Variants in NRK observed in about 807,000 individuals in gnomAD.
NRK encodes Nik related kinase.
Under a neutral mutation model 125.2 loss-of-function variants are expected in NRK, and 67 were observed. The ratio of observed to expected loss-of-function variants is 0.54; its 90% CI spans 0.44 to 0.66. The LOEUF (loss-of-function observed/expected upper bound fraction) is 0.66, where lower values mean the gene tolerates loss of function less well. NRK is among the 30% of genes least tolerant of loss of function. NRK has a pLI of 0.00. For missense variants in NRK, 1,224 were observed against 1,192.9 expected (o/e 1.03, Z -0.38); for synonymous variants, 458 against 429.0 (o/e 1.07, Z -0.84).
intron 2 of NRK, among the ~76,000 whole-genome samples, 200 bp from the exon 3 acceptor site, chrX:105,879,999 G>A (rs1450541896): frequency 9.0e-6 from 1 of 110,548 alleles, no homozygotes; most frequent in African/African-American, 3.3e-5. Context: ...TGTTTTGAGT[G>A]GGATGGTGAT....
intron 23 of NRK, among the ~76,000 whole-genome samples, chrX:105,942,097 A>G (rs1405950118): frequency 2.7e-5 from 3 of 112,100 alleles, no homozygotes; most frequent in African/African-American, 9.7e-5. Context: ...AGGTTTGTCT[A>G]TGTTATATAT....
chrX:105,834,280 TTC>T (rs775464013), intron 2 of NRK, among the ~76,000 whole-genome samples: 2 of 112,096 alleles, frequency 1.8e-5, no homozygotes, highest in Non-Finnish European at 3.8e-5. Context: ...ATTTTTTTCT[TTC>T]TCTCAGCAGT....
intron 2 of NRK, among the ~76,000 whole-genome samples, chrX:105,847,606 C>CA (rs2039418943): frequency 8.9e-6 from 1 of 111,988 alleles, no homozygotes; most frequent in Non-Finnish European, 1.9e-5. Flanking sequence ...AAAGTTCTCT[C>CA]AAAAAAGCTA....
rs766593416 is a variant in NRK at position 105,866,843 on chromosome X, G to T, written c.124-13356G>T. On this transcript the variant is annotated intron_variant, in intron 2 of 28. Coordinates refer to ENST00000243300, the MANE Select transcript of NRK (RefSeq NM_198465.4). Reference sequence around the variant, plus strand: ...TGGGGGCTTTTTAAAAAGTGTTGTTGAGCAAATTAATATAATAGACAAAAT... The same window carrying T: ...TGGGGGCTTTTTAAAAAGTGTTGTTTAGCAAATTAATATAATAGACAAAAT... Among the ~76,000 whole-genome samples the T allele has an allele frequency of 8.1e-5, 9 of 111,227 alleles. 1 individual carries two copies. In the Admixed American group the frequency reaches 8.6e-4, roughly 11 times the overall value.
At chrX:105,844,029 G>C (rs1013253065) in intron 2 of NRK, among the ~76,000 whole-genome samples, 9 of 105,642 alleles carry the variant, frequency 8.5e-5, no homozygotes, top group Admixed American at 8.2e-4. Flanking sequence ...CTGTGTGTGT[G>C]TGTGTGTGTG....
intron 13 of NRK, among the ~76,000 whole-genome samples, chrX:105,911,051 T>C (rs754019390): frequency 1.2e-4 from 13 of 111,327 alleles, no homozygotes; most frequent in African/African-American, 4.2e-4. Context: ...GACCTAAAGA[T>C]TAATGCTAAA....
chrX:105,851,043 A>G (rs2039465481), intron 2 of NRK, among the ~76,000 whole-genome samples: 1 of 112,292 alleles, frequency 8.9e-6, no homozygotes, highest in African/African-American at 3.2e-5. Flanking sequence ...GAAGAAAAAG[A>G]GGTTTAATTG....
intron 2 of NRK, among the ~76,000 whole-genome samples, chrX:105,879,008 G>C (rs1452125722): frequency 2.7e-5 from 3 of 111,315 alleles, no homozygotes; most frequent in Non-Finnish European, 5.7e-5. Flanking sequence ...GGAGGAAACT[G>C]TTCCTTGTCT....
intron 24 of NRK, among the ~76,000 whole-genome samples, chrX:105,945,040 T>C (rs998807254): frequency 8.9e-6 from 1 of 112,071 alleles, no homozygotes; most frequent in Non-Finnish European, 1.9e-5. Context: ...ATTTATTCCA[T>C]AGTAATGAGG....
chrX:105,954,431 T>C (rs1314907162), intron 28 of NRK, among the ~76,000 whole-genome samples: 1 of 110,267 alleles, frequency 9.1e-6, no homozygotes, highest in Non-Finnish European at 1.9e-5. Flanking sequence ...AATCATATAA[T>C]TTTTTCTTAA....
chrX:105,940,725 A>G lies in NRK; in HGVS notation c.3958+693A>G, dbSNP rs1878108308. Among the ~76,000 whole-genome samples, 6 of 111,645 alleles carry G rather than the reference A, an allele frequency of 5.4e-5. No individual in the cohort carries two copies. The South Asian group carries it at 2.2e-3, about 42-fold the overall frequency. On this transcript the variant is annotated intron_variant, in intron 23 of 28. Transcript: ENST00000243300. ...AAAAACCGTGAGCTAATGTCATCCC[A>G]TTCTGTTCTATTTCTGAAGCAAATC... is the stretch of plus-strand genomic sequence containing the variant.
intron 1 of NRK, among the ~76,000 whole-genome samples, chrX:105,830,626 A>G (rs1446629932): frequency 1.8e-5 from 2 of 111,054 alleles, no homozygotes; most frequent in Non-Finnish European, 3.8e-5. Context: ...GATTGGAAAT[A>G]CCACTTAAGA....
At chrX:105,827,225 C>T (rs1483629152) in intron 1 of NRK, among the ~76,000 whole-genome samples, 1 of 111,527 alleles carries the variant, frequency 9.0e-6, no homozygotes, top group African/African-American at 3.3e-5. Context: ...CATGTTCTCT[C>T]TCCATAAACT....
chrX:105,926,817 G>A (rs978419699), intron 19 of NRK, among the ~76,000 whole-genome samples: 1 of 111,094 alleles, frequency 9.0e-6, no homozygotes, highest in Non-Finnish European at 1.9e-5. Context: ...AAATGAATAT[G>A]TGGATCTATT....
At chrX:105,926,188 C>T (rs988417046) in intron 19 of NRK, among the ~76,000 whole-genome samples, 1 of 110,894 alleles carries the variant, frequency 9.0e-6, no homozygotes. Context: ...TGCATTTTCC[C>T]GATGATTAAT....
intron 19 of NRK, among the ~76,000 whole-genome samples, chrX:105,931,124 A>G (rs73636275): frequency 1.7e-3 from 192 of 112,800 alleles, no homozygotes; most frequent in African/African-American, 6.0e-3. Context: ...ACAGCAGTTA[A>G]GCCAGCCTAG....
At chrX:105,844,645 TC>T (rs2039377612) in intron 2 of NRK, among the ~76,000 whole-genome samples, 2 of 110,963 alleles carry the variant, frequency 1.8e-5, no homozygotes, top group African/African-American at 6.6e-5. Flanking sequence ...CAGATAAACC[TC>T]CCCCCATTTC....
In NRK at chrX:105,955,526, C is replaced by A. The variant is rs201279660; in HGVS notation, c.4675C>A (p.Arg1559Ser). The change falls in exon 29 of 29, where the codon CGC becomes AGC. Residue 1559 changes from arginine to serine, a missense_variant. Transcript: ENST00000243300. ...CAAGCTGTTCTTTACCTCTACCCTGCGCAATCACCACAGCCGGGTTTACTT... is the reference window on the plus strand; with the variant it reads ...CAAGCTGTTCTTTACCTCTACCCTGAGCAATCACCACAGCCGGGTTTACTT... ...GDKLFFTSTL[R>S]NHHSRVYFMT... 6.4e-5 allele frequency: 76 copies of A among 1,187,059 alleles called. No homozygotes were observed. The highest frequency in any genetic ancestry group is 4.6e-4 in the Middle Eastern group (2 of 4,331).
rs748826488 is a variant in NRK, at chrX:105,908,972, G to A, written c.1331G>A (p.Arg444Gln). ...QAPQRLQGAA[R>Q]VFMPLQAQVK... Reference sequence around the variant, plus strand: ...CCTCAACGACTACAAGGGGCAGCTCGGGTGTTCATGCCACTACAGGCTCAG... The same window carrying A: ...CCTCAACGACTACAAGGGGCAGCTCAGGTGTTCATGCCACTACAGGCTCAG... The change falls in exon 13 of 29, where the codon CGG (arginine) becomes CAG (glutamine). Residue 444 changes from arginine to glutamine, a missense_variant. Physicochemically the swap from Arg to Gln is conservative, Grantham distance 43 (BLOSUM62 1). Transcript: ENST00000243300. The A allele has an allele frequency of 4.1e-6, 5 of 1,206,273 alleles. No individual in the cohort carries two copies. The highest frequency in any genetic ancestry group is 4.5e-6 in the Non-Finnish European group (4 of 892,532).
Sources: allele counts gnomAD v4.1 joint callset (sites outside exome capture counted in the v4.1 genomes callset), GRCh38; gene constraint gnomAD v4.1.1; transcripts MANE v1.5; gene names NCBI Gene and HGNC (gene_info 2026-07-23, HGNC 2026-07-21).